The following LSAMP variants were observed in gnomAD, a reference collection of about 807,000 sequenced individuals.
LSAMP encodes limbic system-associated membrane protein.
LSAMP carries 7 observed loss-of-function variants against 38.6 expected under a neutral mutation model. The observed-to-expected ratio is 0.18, with a 90% CI of 0.10 to 0.34. The LOEUF (loss-of-function observed/expected upper bound fraction) is 0.34. Among genes scored for constraint, LSAMP ranks in the 10% least tolerant of loss-of-function variants. LSAMP has a pLI of 1.00. For missense variants in LSAMP, 313 were observed against 420.0 expected, an observed-to-expected ratio of 0.75 and a Z score of 2.23; for synonymous variants, 154 against 166.8, an observed-to-expected ratio of 0.92 and a Z score of 0.59.
At chr3:116,266,837 G>A (rs1047390592) in intron 1 of LSAMP, among the ~76,000 whole-genome samples, 2 of 152,132 alleles carry the variant, frequency 1.3e-5, no homozygotes, top group African/African-American at 4.8e-5. Flanking sequence ...GCGTAAACAG[G>A]AATGTTAGCA....
Position 116,033,651 on chromosome 3 carries a change from A to G in LSAMP, c.389-14011T>C, listed in dbSNP as rs189308781. ...CACTCTAGCGAATGATTTCTGTGGC[A>G]GCCACGACCCTCTGTGACTGTGTTT... On this transcript the variant is annotated intron_variant, in intron 2 of 6. Transcript: ENST00000490035. 2.9e-3 allele frequency among the ~76,000 whole-genome samples: 441 copies of G among 152,250 alleles called. 2 individuals are homozygous for G. Among genetic ancestry groups the G allele is most frequent in the African/African-American group, 0.01 (427 of 41,546 alleles).
At chr3:116,124,224 ATGT>A (rs1021385939) in intron 1 of LSAMP, among the ~76,000 whole-genome samples, 2 of 152,170 alleles carry the variant, frequency 1.3e-5, no homozygotes, top group Admixed American at 6.5e-5. Flanking sequence ...TGGCCCACAA[ATGT>A]TGTAAAAATT....
At chr3:115,883,034 T>G (rs1387837863) in intron 3 of LSAMP, among the ~76,000 whole-genome samples, 4 of 152,090 alleles carry the variant, frequency 2.6e-5, no homozygotes, top group African/African-American at 4.8e-5. Flanking sequence ...TGGAAGAATT[T>G]GTGCAGAGAG....
At chr3:116,442,665 A>G (rs947592185) in intron 1 of LSAMP, among the ~76,000 whole-genome samples, 2 of 152,206 alleles carry the variant, frequency 1.3e-5, no homozygotes, top group Non-Finnish European at 1.5e-5. Flanking sequence ...GAAATAAAAA[A>G]GAGGGCATGT....
chr3:116,218,614 T>G (rs2046248154), intron 1 of LSAMP, among the ~76,000 whole-genome samples: 1 of 152,182 alleles, frequency 6.6e-6, no homozygotes, highest in Non-Finnish European at 1.5e-5. Flanking sequence ...GTTTCTCTAC[T>G]AAATGGACTA....
intron 1 of LSAMP, among the ~76,000 whole-genome samples, chr3:116,262,005 T>C (rs540415067): frequency 2.6e-5 from 4 of 152,026 alleles, no homozygotes; most frequent in African/African-American, 7.2e-5. Context: ...CTGATCTCTA[T>C]AGCACAAGAA....
chr3:115,812,944 G>A (rs1169764516), intron 6 of LSAMP, among the ~76,000 whole-genome samples: 2 of 151,988 alleles, frequency 1.3e-5, no homozygotes, highest in Non-Finnish European at 2.9e-5. Context: ...CAGAATATAT[G>A]AACCTAGATA....
At chr3:116,351,260 T>C (rs1177677669) in intron 1 of LSAMP, among the ~76,000 whole-genome samples, 2 of 152,032 alleles carry the variant, frequency 1.3e-5, no homozygotes, top group South Asian at 2.1e-4. Flanking sequence ...TTGATTAGTT[T>C]AAATTTCTCT....
chr3:116,429,407 G>T (rs572853945), intron 1 of LSAMP, among the ~76,000 whole-genome samples: 1 of 152,286 alleles, frequency 6.6e-6, no homozygotes, highest in Admixed American at 6.5e-5. Context: ...CCATTTGTTG[G>T]TTGACCTCAT....
At chr3:116,068,754 G>A (rs1477483990) in intron 2 of LSAMP, among the ~76,000 whole-genome samples, 1 of 152,188 alleles carries the variant, frequency 6.6e-6, no homozygotes, top group African/African-American at 2.4e-5. Flanking sequence ...GAATGTTAAT[G>A]TTAGAAAATA....
At chr3:116,340,192 T>C (rs988709049) in intron 1 of LSAMP, among the ~76,000 whole-genome samples, 2 of 152,032 alleles carry the variant, frequency 1.3e-5, no homozygotes, top group Admixed American at 6.6e-5. Flanking sequence ...TTTTCTAAAA[T>C]GTAAAATAGA....
intron 1 of LSAMP, among the ~76,000 whole-genome samples, chr3:116,417,559 A>G (rs1180883136): frequency 6.6e-6 from 1 of 152,194 alleles, no homozygotes; most frequent in Non-Finnish European, 1.5e-5. Context: ...CTTAAAAATC[A>G]CTGGTACTAG....
chr3:116,434,119 T>C (rs1238954149), intron 1 of LSAMP, among the ~76,000 whole-genome samples: 1 of 152,198 alleles, frequency 6.6e-6, no homozygotes, highest in East Asian at 1.9e-4. Context: ...GACTAGACCC[T>C]CTTCAACCCC....
intron 3 of LSAMP, among the ~76,000 whole-genome samples, chr3:115,986,828 A>G (rs796915640): frequency 8.5e-5 from 13 of 152,276 alleles, no homozygotes; most frequent in African/African-American, 2.6e-4. Context: ...TGGACCAATG[A>G]CTAATGTTTC....
chr3:116,113,420 ATT>A (rs374608044), intron 1 of LSAMP, among the ~76,000 whole-genome samples: 149 of 51,004 alleles, frequency 2.9e-3, no homozygotes, highest in African/African-American at 0.014. Flanking sequence ...ATATATATAT[ATT>A]TTTTTTTTTT....
intron 1 of LSAMP, among the ~76,000 whole-genome samples, chr3:116,103,076 T>C (rs1193276805): frequency 6.6e-6 from 1 of 152,174 alleles, no homozygotes; most frequent in East Asian, 1.9e-4. Context: ...ATTTAAAGAA[T>C]ATTGGTGTGT....
At chr3:115,858,126 C>T (rs1019931212) in intron 3 of LSAMP, among the ~76,000 whole-genome samples, 14 of 143,254 alleles carry the variant, frequency 9.8e-5, no homozygotes, top group Admixed American at 1.5e-4. Flanking sequence ...TCCCTCCTTC[C>T]GTCCTCCCAT....
At chr3:116,393,220 C>G (rs894382540) in intron 1 of LSAMP, among the ~76,000 whole-genome samples, 3 of 152,140 alleles carry the variant, frequency 2.0e-5, no homozygotes, top group African/African-American at 7.2e-5. Flanking sequence ...AGCTGCAGCC[C>G]TTCAGAGAGC....
At chr3:116,194,425 C>T (rs536953505) in intron 1 of LSAMP, among the ~76,000 whole-genome samples, 2 of 152,124 alleles carry the variant, frequency 1.3e-5, no homozygotes, top group South Asian at 2.1e-4. Flanking sequence ...GTCAGAGTCT[C>T]GCTCTGTCGC....
Sources: allele counts gnomAD v4.1 joint callset (sites outside exome capture counted in the v4.1 genomes callset), GRCh38; gene constraint gnomAD v4.1.1; transcripts MANE v1.5; gene names NCBI Gene and HGNC (gene_info 2026-07-23, HGNC 2026-07-21).